WDR59: variants seen among roughly 807,000 people sequenced by gnomAD.
The protein encoded by WDR59 is WD repeat domain 59.
WDR59 carries 100 observed loss-of-function variants against 131.2 expected under a neutral mutation model. That is an observed-to-expected ratio of 0.76 (90% CI 0.65 to 0.90). WDR59 has a LOEUF of 0.90. Among genes scored for constraint, WDR59 ranks in the 40% least tolerant of loss-of-function variants. The pLI, the probability that WDR59 is intolerant of heterozygous loss-of-function variation, is 0.00. For synonymous variants in WDR59, 601 were observed against 466.2 expected (o/e 1.29, Z -3.72); for missense variants, 1,203 against 1,262.2 (o/e 0.95, Z 0.71).
At chr16:74,939,546 A>G (rs746221843) in intron 7 of WDR59, among the ~76,000 whole-genome samples, 2 of 149,242 alleles carry the variant, frequency 1.3e-5, no homozygotes, top group Non-Finnish European at 3.0e-5. Flanking sequence ...ACTAAGTTTA[A>G]AAAAAAAAAG....
chr16:74,952,880 G>C (rs1488973157), intron 3 of WDR59, among the ~76,000 whole-genome samples: 2 of 151,858 alleles, frequency 1.3e-5, no homozygotes, highest in Non-Finnish European at 2.9e-5. Flanking sequence ...AATTGAAAAA[G>C]GTAAGATTCT....
intron 18 of WDR59, among the ~76,000 whole-genome samples, chr16:74,898,174 T>C (rs1394400559): frequency 6.6e-6 from 1 of 152,204 alleles, no homozygotes; most frequent in Non-Finnish European, 1.5e-5. Context: ...ATGGATTTCT[T>C]TTATGATCCT....
intron 8 of WDR59, 55 bp from the exon 9 acceptor site, chr16:74,924,058 C>CCT (rs1408171903): frequency 1.6e-5 from 25 of 1,542,652 alleles, no homozygotes; most frequent in Middle Eastern, 1.7e-4. Context: ...AAAAATTCTA[C>CCT]TGAAATAAGC....
At chr16:74,903,294 G>C (rs959140206) in intron 18 of WDR59, among the ~76,000 whole-genome samples, 1 of 152,186 alleles carries the variant, frequency 6.6e-6, no homozygotes, top group Admixed American at 6.5e-5. Flanking sequence ...GTTTAAGCCA[G>C]ACCTGCAATC....
intron 17 of WDR59, among the ~76,000 whole-genome samples, chr16:74,904,845 C>T (rs12929664): frequency 0.51 from 77,248 of 152,006 alleles, 22,508 homozygotes; most frequent in Admixed American, 0.65. Flanking sequence ...TCCAGAAAGA[C>T]CACAAATATA....
intron 21 of WDR59, among the ~76,000 whole-genome samples, chr16:74,888,840 A>G (rs1224543378): frequency 6.6e-6 from 1 of 152,202 alleles, no homozygotes; most frequent in Non-Finnish European, 1.5e-5. Flanking sequence ...TAAGAACAAC[A>G]AGGAGTGTTT....
At chr16:74,923,256 A>T (rs2030431936) in intron 9 of WDR59, among the ~76,000 whole-genome samples, 1 of 152,166 alleles carries the variant, frequency 6.6e-6, no homozygotes, top group Non-Finnish European at 1.5e-5. Flanking sequence ...ACCAGTATTA[A>T]ATGATAGAGC....
At chr16:74,944,965 A>G (rs1034381141) in intron 6 of WDR59, among the ~76,000 whole-genome samples, 9 of 151,830 alleles carry the variant, frequency 5.9e-5, no homozygotes, top group Non-Finnish European at 1.2e-4. Flanking sequence ...CTCTACTAAA[A>G]TTACAAAAAT....
chr16:74,940,086 T>C (rs2032096638), intron 7 of WDR59, among the ~76,000 whole-genome samples: 1 of 151,964 alleles, frequency 6.6e-6, no homozygotes, highest in South Asian at 2.1e-4. Flanking sequence ...GGGATAATAA[T>C]AGCACACACT....
At chr16:74,981,631 TATATATATATA>T (rs2034413464) in intron 1 of WDR59, among the ~76,000 whole-genome samples, 3 of 5,798 alleles carry the variant, frequency 5.2e-4, no homozygotes, top group African/African-American at 1.5e-3. Flanking sequence ...TATATATATA[TATATATATATA>T]TATATATATA....
intron 1 of WDR59, among the ~76,000 whole-genome samples, chr16:74,977,713 A>T (rs1311165083): frequency 1.3e-5 from 2 of 152,162 alleles, no homozygotes; most frequent in African/African-American, 4.8e-5. Flanking sequence ...ATAAATCAAT[A>T]AATAAAAATT....
intron 25 of WDR59, among the ~76,000 whole-genome samples, chr16:74,876,408 T>C (rs1408216246): frequency 1.3e-5 from 2 of 152,238 alleles, no homozygotes; most frequent in African/African-American, 4.8e-5. Flanking sequence ...TATGAGAATG[T>C]AAATATTGTG....
At chr16:74,945,214 C>T (rs1427092493) in intron 6 of WDR59, among the ~76,000 whole-genome samples, 4 of 151,838 alleles carry the variant, frequency 2.6e-5, no homozygotes, top group South Asian at 2.1e-4. Context: ...AAGAGGCTCA[C>T]GCCTGTAATG....
chr16:74,916,770 A>G (rs1966409441), intron 11 of WDR59, among the ~76,000 whole-genome samples: 1 of 151,882 alleles, frequency 6.6e-6, no homozygotes, highest in African/African-American at 2.4e-5. Context: ...GAGGCAGGAG[A>G]ATCACTTGAA....
intron 2 of WDR59, among the ~76,000 whole-genome samples, chr16:74,957,672 A>G (rs2033359099): frequency 6.6e-6 from 1 of 152,058 alleles, no homozygotes; most frequent in Non-Finnish European, 1.5e-5. Context: ...GCATTCACCT[A>G]TTTTCTTTTT....
intron 1 of WDR59, among the ~76,000 whole-genome samples, chr16:74,982,907 T>C (rs1180501568): frequency 6.6e-6 from 1 of 152,226 alleles, no homozygotes; most frequent in Non-Finnish European, 1.5e-5. Flanking sequence ...CACCCATTCA[T>C]ACTTATCCAG....
chr16:74,925,712 G>A (rs2030720956), intron 8 of WDR59, among the ~76,000 whole-genome samples: 1 of 152,052 alleles, frequency 6.6e-6, no homozygotes, highest in Admixed American at 6.6e-5. Context: ...GCAGTTATAT[G>A]CAACTCTGCA....
At chr16:74,943,918 G>A (rs1279050578) in intron 6 of WDR59, among the ~76,000 whole-genome samples, 1 of 152,170 alleles carries the variant, frequency 6.6e-6, no homozygotes, top group African/African-American at 2.4e-5. Flanking sequence ...GAGACATAAG[G>A]TATCTTATGT....
At chr16:74,910,270 G>A (rs1218099110) in intron 14 of WDR59, among the ~76,000 whole-genome samples, 5 of 152,108 alleles carry the variant, frequency 3.3e-5, no homozygotes, top group African/African-American at 1.2e-4. Context: ...GCCCGGCCCT[G>A]ATTGGCTTTT....
Sources: gnomAD v4.1 joint callset for allele counts (sites outside exome capture counted in the v4.1 genomes callset) on GRCh38, gnomAD v4.1.1 for gene constraint, MANE v1.5 for transcripts, NCBI Gene and HGNC (gene_info 2026-07-23, HGNC 2026-07-21) for gene names.